PLEKHA7: variants seen among roughly 807,000 people sequenced by gnomAD.
PLEKHA7 encodes pleckstrin homology domain containing A7.
A neutral mutation model predicts 170.0 loss-of-function variants in PLEKHA7; 104 were observed. That is an observed-to-expected ratio of 0.61 (90% CI 0.52 to 0.72). The LOEUF (loss-of-function observed/expected upper bound fraction) is 0.72. Ranked by LOEUF, PLEKHA7 falls within the 30% of genes least tolerant of loss-of-function variation. PLEKHA7 has a pLI of 0.00. For synonymous variants in PLEKHA7, 648 were observed against 660.8 expected, an observed-to-expected ratio of 0.98 and a Z score of 0.30; for missense variants, 1,615 against 1,671.7, an observed-to-expected ratio of 0.97 and a Z score of 0.59.
intron 3 of PLEKHA7, among the ~76,000 whole-genome samples, chr11:16,973,216 C>T (rs1034278913): frequency 6.6e-6 from 1 of 152,246 alleles, no homozygotes; most frequent in African/African-American, 2.4e-5. Context: ...TCAGCTCTCT[C>T]ACAGGGCCTT....
chr11:16,826,707 C>T, intron 9 of PLEKHA7, 117 bp from the exon 10 acceptor site: 1 of 905,836 alleles, frequency 1.1e-6, no homozygotes, highest in Non-Finnish European at 1.7e-6. Context: ...CTCAGAACGC[C>T]TTTCATGCTC....
intron 13 of PLEKHA7, among the ~76,000 whole-genome samples, chr11:16,805,589 A>G (rs74812529): frequency 0.15 from 22,984 of 151,924 alleles, 2,213 homozygotes; most frequent in Admixed American, 0.26. Flanking sequence ...CAGGAGTTCA[A>G]GATCAGTCTG....
At chr11:16,837,027 T>C (rs1294473480) in intron 9 of PLEKHA7, among the ~76,000 whole-genome samples, 1 of 152,140 alleles carries the variant, frequency 6.6e-6, no homozygotes, top group Non-Finnish European at 1.5e-5. Flanking sequence ...TTTCACCACG[T>C]TGGCCAGGCT....
Position 16,841,609 on chromosome 11 carries a change from C to G in PLEKHA7, c.810G>C (p.Met270Ile). 1 of 1,614,102 alleles carries G rather than the reference C, an allele frequency of 6.2e-7. No individual in the cohort carries two copies. The highest frequency in any genetic ancestry group is 1.3e-5 in the African/African-American group (1 of 75,046). The change falls in exon 9 of 27, where the codon ATG becomes ATC. Residue 270 changes from methionine (M) to isoleucine (I), a missense_variant. Physicochemically the swap from Met to Ile is conservative, Grantham distance 10 (BLOSUM62 1). Coordinates refer to ENST00000531066, the MANE Select transcript of PLEKHA7 (RefSeq NM_001329630.2). Reference sequence around the variant, plus strand: ...GGTTCATGGCCCTGACCCAAGCGTTCATGTCCTCCTGGGTGTCGGCACTGA... The same window carrying G: ...GGTTCATGGCCCTGACCCAAGCGTTGATGTCCTCCTGGGTGTCGGCACTGA... Reference protein sequence around the residue: ...YYFSADTQEDMNAWVRAMNQA... With the variant: ...YYFSADTQEDINAWVRAMNQA...
chr11:16,791,170 G>C lies in PLEKHA7; in HGVS notation c.2775C>G (p.Leu925=), dbSNP rs1288206886. The part of the protein sequence containing the change: ...VEDEAPPRPP[L]PELYSPEDQP... Reference sequence around the variant, plus strand: ...GGTCCTCTGGGCTGTAGAGTTCGGGGAGTGGGGGCCTGGGAGGTGCTTCAT... The same window carrying C: ...GGTCCTCTGGGCTGTAGAGTTCGGGCAGTGGGGGCCTGGGAGGTGCTTCAT... Residue 925 remains leucine, a synonymous_variant, in exon 20 of 27, where the codon CTC becomes CTG. Coordinates refer to ENST00000531066, the MANE Select transcript of PLEKHA7 (RefSeq NM_001329630.2). This position sits in a 1 kb window ranked among gnomAD's most constrained non-coding sequence, Gnocchi z 4.5. 4 of 1,607,644 alleles carry C rather than the reference G, an allele frequency of 2.5e-6. No homozygotes were observed. The highest frequency in any genetic ancestry group is 2.7e-5 in the African/African-American group (2 of 74,666).
At chr11:16,915,632 G>T (rs1232968537) in intron 3 of PLEKHA7, among the ~76,000 whole-genome samples, 1 of 149,014 alleles carries the variant, frequency 6.7e-6, no homozygotes, top group Non-Finnish European at 1.5e-5. Flanking sequence ...TTGTTCTTGC[G>T]ATAGTTTACT....
chr11:17,004,251 T>C (rs1864848839), intron 3 of PLEKHA7, among the ~76,000 whole-genome samples: 1 of 152,212 alleles, frequency 6.6e-6, no homozygotes, highest in African/African-American at 2.4e-5. Context: ...CTAGGTGAGT[T>C]GGCCTTCATT....
chr11:16,825,969 C>T, intron 10 of PLEKHA7, 151 bp downstream of exon 10: 1 of 867,350 alleles, frequency 1.2e-6, no homozygotes, highest in Non-Finnish European at 1.8e-6. Context: ...GAATATCACC[C>T]TTTCTTGCAG....
rs138263255 is a variant in PLEKHA7, at chr11:16,884,636, A to AAAAAG, written c.222-13459_222-13455dup. Among the ~76,000 whole-genome samples the AAAAAG allele has an allele frequency of 4.9e-3, 732 of 148,520 alleles. 2 individuals carry two copies. The highest frequency in any genetic ancestry group is 0.03 in the East Asian group (151 of 4,954). On this transcript the variant is annotated intron_variant, in intron 3 of 26. Transcript: ENST00000531066. ...GACAACAGAGTGAGACTATGTTTAA[A>AAAAAG]AAAAGAAAAGAAAAGAAAAGAAAAA... is the stretch of plus-strand genomic sequence containing the variant.
At chr11:16,827,829 T>TAAAAA (rs11358170) in intron 9 of PLEKHA7, among the ~76,000 whole-genome samples, 3 of 135,508 alleles carry the variant, frequency 2.2e-5, no homozygotes, top group African/African-American at 8.2e-5. Context: ...ACTCCATGGT[T>TAAAAA]AAAAAAAAAA....
At position 16,816,941 on chromosome 11, in the gene PLEKHA7, G is replaced by C; in HGVS notation, c.1725C>G (p.Pro575=). 2 of 1,613,390 alleles carry C rather than the reference G, an allele frequency of 1.2e-6. No homozygotes were observed. Among genetic ancestry groups the C allele is most frequent in the South Asian group, 1.1e-5 (1 of 90,994 alleles). The stretch of plus-strand genomic sequence containing the variant: ...GTGGGAAGACCCTTGGGGGTCCTGG[G>C]GGAGGGATGTCCGAGGGAGATGGAG... ...SVPPSPSDIP[P]PGPPRVFPPR... is the part of the protein sequence containing the mutation. The change falls in exon 11 of 27, where the codon CCC becomes CCG. Residue 575 remains proline, a synonymous_variant. Transcript: ENST00000531066.
At position 16,817,471 on chromosome 11, in the gene PLEKHA7, T is replaced by G. The variant is rs1849862812; in HGVS notation, c.1344-149A>C. On this transcript the variant is annotated intron_variant, in intron 10 of 26. Transcript: ENST00000531066. This position sits in a 1 kb window ranked among gnomAD's most constrained non-coding sequence, Gnocchi z 4.4. The stretch of plus-strand genomic sequence containing the variant: ...ATGATCAAGGCCGACATCCAGGACT[T>G]CAGTCACTTCCCCTTTTGGCAGACG... 4 of 723,976 alleles carry G rather than the reference T, an allele frequency of 5.5e-6. No homozygotes were observed. In the East Asian group the frequency reaches 1.1e-4, roughly 21 times the overall value. 44.8% of individuals were successfully genotyped at this position (723,976 alleles called of 1,614,324 possible).
At chr11:16,822,979 T>A (rs1170697644) in intron 10 of PLEKHA7, among the ~76,000 whole-genome samples, 1 of 145,620 alleles carries the variant, frequency 6.9e-6, no homozygotes, top group Non-Finnish European at 1.5e-5. Context: ...GTTGTATGTA[T>A]GTATTATTTA....
intron 3 of PLEKHA7, among the ~76,000 whole-genome samples, chr11:16,914,796 G>C (rs908528864): frequency 1.8e-4 from 28 of 152,174 alleles, no homozygotes; most frequent in Non-Finnish European, 1.3e-4. Context: ...TGAGAAAATG[G>C]AGGTTACGGA....
At chr11:16,982,820 CAGAGAGAGAGAGGGAG>C (rs1352049761) in intron 3 of PLEKHA7, among the ~76,000 whole-genome samples, 2 of 130,788 alleles carry the variant, frequency 1.5e-5, no homozygotes, top group South Asian at 5.2e-4. Flanking sequence ...GAAAGAGAGA[CAGAGAGAGAGAGGGAG>C]AGAGAGAGAG....
In PLEKHA7 at chr11:17,014,378, C is replaced by T; in HGVS notation, c.24G>A (p.Arg8=). The T allele has an allele frequency of 7.2e-7, 1 of 1,389,386 alleles. No homozygotes were observed. Among genetic ancestry groups the T allele is most frequent in the Non-Finnish European group, 9.4e-7 (1 of 1,062,084 alleles). 86.1% of individuals were successfully genotyped at this position (1,389,386 alleles called of 1,614,324 possible). A position where few individuals can be genotyped will look rare whatever the true frequency, so the allele number is the denominator to read the frequency against. Residue 8 remains arginine (R), a synonymous_variant, in exon 1 of 27, where the codon CGG becomes CGA. Transcript: ENST00000531066. ...AGGACCAATGCTCAGGTAAAGTGTC[C>T]CGCCCGACCGTCGCCGCCGCCATGT... MAAATVG[R]DTLPEHWSYG...
chr11:16,807,003 G>A (rs1849036277), intron 13 of PLEKHA7: 1 of 204,310 alleles, frequency 4.9e-6, no homozygotes, highest in African/African-American at 2.4e-5. Flanking sequence ...GAGAGCTTCA[G>A]TTGAAAGAAA....
intron 23 of PLEKHA7, 105 bp from the exon 24 acceptor site, chr11:16,786,492 C>T: frequency 6.7e-7 from 1 of 1,499,694 alleles, no homozygotes; most frequent in Non-Finnish European, 8.9e-7. Context: ...ACCTGTGATC[C>T]CCTTAGGGAA....
chr11:16,826,699 C>G, intron 9 of PLEKHA7, 109 bp from the exon 10 acceptor site: 3 of 990,638 alleles, frequency 3.0e-6, no homozygotes, highest in Non-Finnish European at 4.5e-6. Context: ...TCCCTCTGCT[C>G]AGAACGCCTT....
Sources: gnomAD v4.1 joint callset for allele counts (sites outside exome capture counted in the v4.1 genomes callset) on GRCh38, gnomAD v4.1.1 for gene constraint, Gnocchi (gnomAD v3.1) non-coding constraint, MANE v1.5 for transcripts, NCBI Gene and HGNC (gene_info 2026-07-23, HGNC 2026-07-21) for gene names.